The following SUCO variants were observed in gnomAD, a reference collection of about 807,000 sequenced individuals.
SUCO encodes the protein SUN domain-containing ossification factor.
In SUCO, 57 loss-of-function variants were observed where a neutral mutation model predicts 148.1. The ratio of observed to expected loss-of-function variants is 0.38; its 90% CI spans 0.31 to 0.48. The LOEUF is 0.48. Among genes scored for constraint, SUCO ranks in the 20% least tolerant of loss-of-function variants. SUCO has a pLI of 0.96. For synonymous variants in SUCO, 470 were observed against 502.7 expected, an observed-to-expected ratio of 0.93 and a Z score of 0.87; for missense variants, 1,331 against 1,468.2, an observed-to-expected ratio of 0.91 and a Z score of 1.53.
chr1:172,565,129 C>T (rs1247136211), intron 6 of SUCO, among the ~76,000 whole-genome samples: 1 of 152,162 alleles, frequency 6.6e-6, no homozygotes, highest in Non-Finnish European at 1.5e-5. Flanking sequence ...ATTTTAAAGC[C>T]TATGCACATA....
At chr1:172,549,563 A>G (rs1029866664) in intron 1 of SUCO, among the ~76,000 whole-genome samples, 1 of 151,936 alleles carries the variant, frequency 6.6e-6, no homozygotes, top group Non-Finnish European at 1.5e-5. Context: ...TTTTTTCTCA[A>G]TCACTTTCAC....
intron 2 of SUCO, chr1:172,552,573 G>A: frequency 1.1e-6 from 1 of 929,486 alleles, no homozygotes; most frequent in Non-Finnish European, 1.3e-6. Flanking sequence ...TATTTAGAGT[G>A]GATTATTTAA....
At position 172,577,539 on chromosome 1, in the gene SUCO, A is replaced by G; in HGVS notation, c.1264A>G (p.Met422Val). ...TTTCTTTTCCTTTCTCTTGCTTCAG[A>G]TGTTCATCAAGTACATAAAGGTTAG... is the stretch of plus-strand genomic sequence containing the variant. ...DEQMYAKYVKMFIKYIKVELL... is the reference protein window; with the variant it reads ...DEQMYAKYVKVFIKYIKVELL... Residue 422 changes from methionine (M) to valine (V), a missense_variant and splice_region_variant, in exon 12 of 24, where the codon ATG becomes GTG. This residue lies in a region of SUCO where 992 missense variants were observed against 1,093.5 expected (regional missense o/e 0.91). Coordinates refer to ENST00000263688, the MANE Select transcript of SUCO (RefSeq NM_014283.5). The G allele has an allele frequency of 6.2e-7, 1 of 1,610,626 alleles. No individual in the cohort carries two copies. Among genetic ancestry groups the G allele is most frequent in the Non-Finnish European group, 8.5e-7 (1 of 1,178,578 alleles).
rs1205282062 is a variant in SUCO at position 172,585,880 on chromosome 1, T to C, written c.1590T>C (p.Asn530=). The change falls in exon 17 of 24, where the codon AAT becomes AAC. Residue 530 remains asparagine (N), a synonymous_variant. Coordinates refer to ENST00000263688, the MANE Select transcript of SUCO (RefSeq NM_014283.5). ...LTEGNKSISE[N]ATATAAPKMP... ...TAGGAAATAAAAGTATATCTGAGAA[T>C]GCCACTGCCACAGCTGCACCTAAAA... 1 of 1,608,680 alleles carries C rather than the reference T, an allele frequency of 6.2e-7. No individual in the cohort carries two copies. Among genetic ancestry groups the C allele is most frequent in the Non-Finnish European group, 8.5e-7 (1 of 1,177,376 alleles).
intron 21 of SUCO, 55 bp from the exon 22 acceptor site, chr1:172,602,641 A>G: frequency 6.3e-7 from 1 of 1,592,858 alleles, no homozygotes; most frequent in South Asian, 1.1e-5. Flanking sequence ...ACAAAAGAGT[A>G]AATTATATGT....
rs1378948654 is a variant in SUCO, at chr1:172,592,126, T to G, written c.2913+1055T>G. The stretch of plus-strand genomic sequence containing the variant: ...TCCTTTCCCTACTTTTTGATGGGGT[T>G]GTTTGATTTTTTCTTGTAAATTTCA... On this transcript the variant is annotated intron_variant, in intron 19 of 23. Coordinates refer to ENST00000263688, the MANE Select transcript of SUCO (RefSeq NM_014283.5). Among the ~76,000 whole-genome samples, 11 of 152,316 alleles carry G rather than the reference T, an allele frequency of 7.2e-5. 1 individual carries two copies. In the East Asian group the frequency reaches 2.1e-3, roughly 29 times the overall value.
intron 15 of SUCO, among the ~76,000 whole-genome samples, chr1:172,582,248 G>A (rs566111962): frequency 3.4e-4 from 51 of 152,224 alleles, no homozygotes; most frequent in Non-Finnish European, 4.3e-4. Context: ...TGGAAAAAAA[G>A]TAGATCCTAG....
At chr1:172,606,826 A>G (rs889450653) in intron 22 of SUCO, among the ~76,000 whole-genome samples, 2 of 151,780 alleles carry the variant, frequency 1.3e-5, no homozygotes, top group East Asian at 3.8e-4. Context: ...AGATTCTCAT[A>G]TTTAATTAAA....
intron 19 of SUCO, among the ~76,000 whole-genome samples, chr1:172,595,081 T>C (rs529255707): frequency 2.0e-5 from 3 of 152,322 alleles, no homozygotes; most frequent in Admixed American, 6.5e-5. Flanking sequence ...TTAAAGTCTG[T>C]TTTATCAGAG....
At chr1:172,581,722 GT>G (rs1367984638) in intron 15 of SUCO, among the ~76,000 whole-genome samples, 2 of 151,776 alleles carry the variant, frequency 1.3e-5, no homozygotes, top group Non-Finnish European at 2.9e-5. Context: ...TTTTTTTCTT[GT>G]TTTTAATGTG....
rs533502779 is a variant in SUCO, at chr1:172,595,673, T to A, written c.2914-4391T>A. On this transcript the variant is annotated intron_variant, in intron 19 of 23. Coordinates refer to ENST00000263688, the MANE Select transcript of SUCO (RefSeq NM_014283.5). ...TGTTAGTCTGATGGGCTTCCCTTTG[T>A]GGGTAACCCGACCTTTCTCTCTGGC... is the stretch of plus-strand genomic sequence containing the variant. 5.9e-5 allele frequency among the ~76,000 whole-genome samples: 9 copies of A among 152,352 alleles called. No individual in the cohort carries two copies. In the South Asian group the frequency reaches 8.3e-4, roughly 14 times the overall value.
intron 8 of SUCO, chr1:172,570,384 C>T (rs907033461): frequency 9.2e-5 from 44 of 476,524 alleles, no homozygotes; most frequent in Admixed American, 3.9e-4. Flanking sequence ...TTTTAAAACC[C>T]GTATGAAATT....
chr1:172,549,060 G>A (rs1305692685), intron 1 of SUCO, among the ~76,000 whole-genome samples: 1 of 151,708 alleles, frequency 6.6e-6, no homozygotes, highest in Non-Finnish European at 1.5e-5. Flanking sequence ...ATAAATCGCT[G>A]TCTTAATAAC....
chr1:172,543,987 T>G (rs569710163), intron 1 of SUCO: 4 of 154,310 alleles, frequency 2.6e-5, no homozygotes, highest in Admixed American at 2.0e-4. Context: ...TGGTGATCTT[T>G]TGGTCTTGTT....
intron 22 of SUCO, 164 bp downstream of exon 22, chr1:172,602,951 T>C (rs1021774255): frequency 1.7e-6 from 1 of 601,184 alleles, no homozygotes; most frequent in Admixed American, 3.1e-5. Flanking sequence ...TCACATTTTA[T>C]ATCTGTCTTT....
At chr1:172,609,746 G>C in intron 23 of SUCO, 70 bp from the exon 24 acceptor site, 4 of 1,528,546 alleles carry the variant, frequency 2.6e-6, no homozygotes, top group Non-Finnish European at 3.5e-6. Flanking sequence ...TATTAGCTCA[G>C]CTCTCTAGGT....
chr1:172,591,138 G>C, intron 19 of SUCO, 67 bp downstream of exon 19: 3 of 1,193,228 alleles, frequency 2.5e-6, no homozygotes, highest in East Asian at 4.8e-5. Context: ...GGTCTCACTG[G>C]TAAACAGTAA....
chr1:172,569,933 C>A, intron 7 of SUCO, 114 bp from the exon 8 acceptor site: 1 of 1,011,940 alleles, frequency 9.9e-7, no homozygotes, highest in Non-Finnish European at 1.3e-6. Context: ...GTGTTAAAAC[C>A]TATTCTTTTC....
At chr1:172,608,611 T>G in intron 22 of SUCO, 136 bp from the exon 23 acceptor site, 1 of 723,856 alleles carries the variant, frequency 1.4e-6, no homozygotes, top group Non-Finnish European at 2.4e-6. Flanking sequence ...ATAGTTAACC[T>G]GATACAAATT....
Sources: gnomAD v4.1 joint callset for allele counts (sites outside exome capture counted in the v4.1 genomes callset) on GRCh38, gnomAD v4.1.1 for gene constraint, gnomAD v4.1.1 regional missense constraint, MANE v1.5 for transcripts, NCBI Gene and HGNC (gene_info 2026-07-23, HGNC 2026-07-21) for gene names.